Variants in AUH observed in about 807,000 individuals in gnomAD.
The protein encoded by AUH is AU RNA binding methylglutaconyl-CoA hydratase, also known as methylglutaconyl-CoA hydratase, mitochondrial.
In AUH, 29 loss-of-function variants were observed where a neutral mutation model predicts 42.3. That is an observed-to-expected ratio of 0.69 (90% CI 0.51 to 0.93). The LOEUF (loss-of-function observed/expected upper bound fraction) is 0.93. Ranked by LOEUF, AUH falls within the 40% of genes least tolerant of loss-of-function variation. The probability of loss-of-function intolerance (pLI) is 0.00; values close to 1 mark genes in which losing one functional copy is unlikely to be tolerated. For synonymous variants in AUH, 174 were observed against 166.4 expected, an observed-to-expected ratio of 1.05 and a Z score of -0.35; for missense variants, 452 against 438.1, an observed-to-expected ratio of 1.03 and a Z score of -0.28.
At chr9:91,232,866 G>A (rs1220132117) in intron 6 of AUH, among the ~76,000 whole-genome samples, 2 of 152,246 alleles carry the variant, frequency 1.3e-5, no homozygotes, top group Admixed American at 6.5e-5. Context: ...TCTAAAACAG[G>A]AGGTGGAGAG....
chr9:91,246,697 A>T (rs1461535088), intron 6 of AUH, among the ~76,000 whole-genome samples: 1 of 152,296 alleles, frequency 6.6e-6, no homozygotes, highest in Non-Finnish European at 1.5e-5. Flanking sequence ...CACTTGTTTA[A>T]AGGTGGTATA....
At chr9:91,281,209 A>T (rs528020729) in intron 6 of AUH, among the ~76,000 whole-genome samples, 1 of 152,216 alleles carries the variant, frequency 6.6e-6, no homozygotes, top group South Asian at 2.1e-4. Context: ...TATTTTACAC[A>T]ATGATTTTTT....
chr9:91,317,533 A>G (rs1193360230), intron 4 of AUH, among the ~76,000 whole-genome samples: 1 of 152,184 alleles, frequency 6.6e-6, no homozygotes, highest in African/African-American at 2.4e-5. Context: ...GCCATCTTGC[A>G]ACACTCTTAT....
At chr9:91,292,097 A>G (rs1174927414) in intron 6 of AUH, among the ~76,000 whole-genome samples, 2 of 152,136 alleles carry the variant, frequency 1.3e-5, no homozygotes, top group East Asian at 1.9e-4. Context: ...TTCATTATCA[A>G]TTTTGGAAAG....
At chr9:91,355,611 C>T (rs1243529979) in intron 3 of AUH, among the ~76,000 whole-genome samples, 2 of 151,514 alleles carry the variant, frequency 1.3e-5, no homozygotes, top group Non-Finnish European at 2.9e-5. Flanking sequence ...CAACAAACAA[C>T]ATTGTACTAC....
At chr9:91,277,792 A>G (rs946714749) in intron 6 of AUH, among the ~76,000 whole-genome samples, 4 of 152,170 alleles carry the variant, frequency 2.6e-5, no homozygotes, top group Non-Finnish European at 2.9e-5. Context: ...ATTTCCAACT[A>G]TGATTCTGAT....
chr9:91,261,494 T>C (rs1829706532), intron 6 of AUH, among the ~76,000 whole-genome samples: 1 of 152,236 alleles, frequency 6.6e-6, no homozygotes, highest in Non-Finnish European at 1.5e-5. Context: ...TACAGTTCTC[T>C]TTCTCTGGTA....
At chr9:91,216,541 C>T (rs150190532) in intron 8 of AUH, among the ~76,000 whole-genome samples, 2 of 151,958 alleles carry the variant, frequency 1.3e-5, no homozygotes, top group Non-Finnish European at 2.9e-5. Flanking sequence ...TTTAAATAAA[C>T]CAATCAAATA....
At chr9:91,277,585 C>CTATG (rs555785376) in intron 6 of AUH, among the ~76,000 whole-genome samples, 8 of 151,942 alleles carry the variant, frequency 5.3e-5, no homozygotes, top group Admixed American at 2.6e-4. Context: ...GGGAAAAAAT[C>CTATG]TATGTATGTA....
chr9:91,249,005 A>G (rs553401338), intron 6 of AUH, among the ~76,000 whole-genome samples: 2 of 152,296 alleles, frequency 1.3e-5, no homozygotes, highest in South Asian at 4.1e-4. Context: ...TAAAGAATAC[A>G]ACATTTCTGG....
At chr9:91,305,336 C>T (rs1024784487) in intron 4 of AUH, among the ~76,000 whole-genome samples, 1 of 152,204 alleles carries the variant, frequency 6.6e-6, no homozygotes, top group Non-Finnish European at 1.5e-5. Flanking sequence ...ACATCACAGA[C>T]ATAGTCTAGT....
intron 3 of AUH, among the ~76,000 whole-genome samples, chr9:91,348,976 T>C (rs1210805101): frequency 1.3e-5 from 2 of 152,180 alleles, no homozygotes; most frequent in Non-Finnish European, 2.9e-5. Context: ...GCTAAACTAA[T>C]ACAAACTTGT....
At chr9:91,325,953 A>G (rs1829942538) in intron 3 of AUH, among the ~76,000 whole-genome samples, 1 of 152,206 alleles carries the variant, frequency 6.6e-6, no homozygotes, top group Non-Finnish European at 1.5e-5. Flanking sequence ...GTCAACCACA[A>G]GGGAGAAGCA....
At chr9:91,248,020 G>A (rs1358797058) in intron 6 of AUH, among the ~76,000 whole-genome samples, 1 of 152,126 alleles carries the variant, frequency 6.6e-6, no homozygotes, top group Non-Finnish European at 1.5e-5. Flanking sequence ...ACTTCAGTAA[G>A]TCCAGTATTT....
At chr9:91,223,444 T>C (rs766505333) in intron 6 of AUH, among the ~76,000 whole-genome samples, 27 of 152,220 alleles carry the variant, frequency 1.8e-4, no homozygotes, top group Non-Finnish European at 3.7e-4. Flanking sequence ...TGTACGTATA[T>C]ACCACATTTT....
rs559892316 is a variant in AUH at position 91,247,461 on chromosome 9, C to T, written c.656-26469G>A. On this transcript the variant is annotated intron_variant, in intron 6 of 9. Transcript: ENST00000375731. Reference sequence around the variant, plus strand: ...CGCCTACAGTACCTCAATTCCCAGCCTCTCCATCTCCTTGGATCACATCTT... The same window carrying T: ...CGCCTACAGTACCTCAATTCCCAGCTTCTCCATCTCCTTGGATCACATCTT... Among the ~76,000 whole-genome samples the T allele has an allele frequency of 3.3e-5, 5 of 152,258 alleles. No individual in the cohort carries two copies. The East Asian group carries it at 9.7e-4, about 29-fold the overall frequency.
At chr9:91,220,009 C>G (rs958347326) in intron 7 of AUH, among the ~76,000 whole-genome samples, 14 of 152,198 alleles carry the variant, frequency 9.2e-5, no homozygotes, top group African/African-American at 3.1e-4. Flanking sequence ...TATAAAACTT[C>G]AAACTCCACT....
At chr9:91,335,720 GCTTT>G in intron 3 of AUH, among the ~76,000 whole-genome samples, 1 of 152,118 alleles carries the variant, frequency 6.6e-6, no homozygotes, top group East Asian at 1.9e-4. Context: ...AGTTCTGAAT[GCTTT>G]CTAATTTCCA....
At chr9:91,282,968 C>G (rs1826094765) in intron 6 of AUH, among the ~76,000 whole-genome samples, 1 of 152,128 alleles carries the variant, frequency 6.6e-6, no homozygotes, top group Non-Finnish European at 1.5e-5. Context: ...TTTATGAGGC[C>G]AGCATCATCC....
Sources: allele counts gnomAD v4.1 joint callset (sites outside exome capture counted in the v4.1 genomes callset), GRCh38; gene constraint gnomAD v4.1.1; transcripts MANE v1.5; gene names NCBI Gene and HGNC (gene_info 2026-07-23, HGNC 2026-07-21).